The following RASSF6 variants were observed in gnomAD, a reference collection of about 807,000 sequenced individuals.
The protein encoded by RASSF6 is Ras association domain family member 6.
A neutral mutation model predicts 44.0 loss-of-function variants in RASSF6; 52 were observed. The observed-to-expected ratio is 1.18, with a 90% CI of 0.95 to 1.49. The LOEUF is 1.49. RASSF6 is among the 40% of genes most tolerant of loss of function. The probability of loss-of-function intolerance (pLI) is 0.00; values close to 1 mark genes in which losing one functional copy is unlikely to be tolerated. For synonymous variants in RASSF6, 162 were observed against 124.6 expected (o/e 1.30, Z -2.00); for missense variants, 464 against 393.3 (o/e 1.18, Z -1.52).
intron 2 of RASSF6, among the ~76,000 whole-genome samples, chr4:73,607,204 G>A (rs1380697192): frequency 6.6e-6 from 1 of 152,186 alleles, no homozygotes; most frequent in Admixed American, 6.5e-5. Flanking sequence ...ATCTTTAAAT[G>A]TCTTAAATGT....
intron 6 of RASSF6, among the ~76,000 whole-genome samples, chr4:73,583,023 C>T (rs1723794731): frequency 6.6e-6 from 1 of 151,986 alleles, no homozygotes; most frequent in South Asian, 2.1e-4. Context: ...CTATGGAGCC[C>T]TGAAAAACCA....
At position 73,593,445 on chromosome 4, in the gene RASSF6, G is replaced by C. The variant is rs1724714612; in HGVS notation, c.287+6C>G. 1 of 1,599,208 alleles carries C rather than the reference G, an allele frequency of 6.3e-7. No individual in the cohort carries two copies. Among genetic ancestry groups the C allele is most frequent in the Non-Finnish European group, 8.5e-7 (1 of 1,175,196 alleles). The stretch of plus-strand genomic sequence containing the variant: ...TGAGGAATTAAAAACATGAAAGATA[G>C]CTTACCCTTTGCTGGAGAAGACGTC... On this transcript the variant is annotated splice_donor_region_variant and intron_variant, in intron 4 of 10. Coordinates refer to ENST00000307439, the MANE Select transcript of RASSF6 (RefSeq NM_177532.5).
intron 3 of RASSF6, among the ~76,000 whole-genome samples, chr4:73,595,711 ATATT>A (rs67327501): frequency 0.29 from 44,469 of 151,962 alleles, 6,794 homozygotes; most frequent in Admixed American, 0.4. Context: ...ATAATTGTAT[ATATT>A]AAGATTTAAG....
rs1284418830 is a variant in RASSF6, at chr4:73,576,156, A to G, written c.*79T>C. On this transcript the variant is annotated 3_prime_UTR_variant, in exon 11 of 11. Transcript: ENST00000307439. ...GTCTCATATATGTTCGTATAAATGC[A>G]AGTACAGAACTTATGCATTCATCAA... The G allele has an allele frequency of 2.1e-5, 15 of 730,844 alleles. No individual in the cohort carries two copies. In the East Asian group the frequency reaches 3.9e-4, roughly 19 times the overall value. 45.3% of individuals were successfully genotyped at this position (730,844 alleles called of 1,614,324 possible).
At chr4:73,587,478 C>A (rs560430004) in intron 5 of RASSF6, among the ~76,000 whole-genome samples, 129 of 152,112 alleles carry the variant, frequency 8.5e-4, no homozygotes, top group Non-Finnish European at 1.7e-3. Flanking sequence ...CTTGGCCTAA[C>A]ATATAAAGCT....
rs964542015 is a variant in RASSF6 at position 73,596,041 on chromosome 4, T to G, written c.145-2448A>C. Among the ~76,000 whole-genome samples the G allele has an allele frequency of 7.2e-5, 11 of 152,182 alleles. No homozygotes were observed. The East Asian group carries it at 1.9e-3, about 27-fold the overall frequency. On this transcript the variant is annotated intron_variant, in intron 3 of 10. Transcript: ENST00000307439. ...AGTGAGCTCCATCAGAATACAAGGC[T>G]GAGTGAAGAGACGTGTGGAGAATGA...
chr4:73,576,371 T>G, intron 10 of RASSF6, 39 bp downstream of exon 10: 2 of 1,465,996 alleles, frequency 1.4e-6, no homozygotes, highest in Non-Finnish European at 1.9e-6. Context: ...TTGGACATAT[T>G]AAAGAACGGA....
At chr4:73,603,180 G>A (rs1023454264) in intron 2 of RASSF6, among the ~76,000 whole-genome samples, 3 of 152,184 alleles carry the variant, frequency 2.0e-5, no homozygotes, top group Non-Finnish European at 4.4e-5. Context: ...TTCTAGGAAA[G>A]AGCCTTGGTT....
chr4:73,593,310 C>T, intron 4 of RASSF6, 141 bp downstream of exon 4: 1 of 845,592 alleles, frequency 1.2e-6, no homozygotes, highest in Non-Finnish European at 1.7e-6. Flanking sequence ...GCCACCGTGC[C>T]CGGCCATTGC....
In RASSF6 at chr4:73,611,818, T is replaced by C; in HGVS notation, c.-23A>G. 1 of 1,597,918 alleles carries C rather than the reference T, an allele frequency of 6.3e-7. No homozygotes were observed. Among genetic ancestry groups the C allele is most frequent in the South Asian group, 1.1e-5 (1 of 90,670 alleles). ...CATCTTTTCCTCCTTTTTGAGATGG[T>C]CTGAGGATATCCTAAACATGAGAAT... is the stretch of plus-strand genomic sequence containing the variant. On this transcript the variant is annotated 5_prime_UTR_variant, in exon 2 of 11. Coordinates refer to ENST00000307439, the MANE Select transcript of RASSF6 (RefSeq NM_177532.5).
At position 73,600,317 on chromosome 4, in the gene RASSF6, C is replaced by T. The variant is rs150303962; in HGVS notation, c.66-1599G>A. ...ACAAATTCTGGTTGACTAAAATTAT[C>T]GGGAAATATTCATTGCCTAAACAAC... On this transcript the variant is annotated intron_variant, in intron 2 of 10. Transcript: ENST00000307439. Among the ~76,000 whole-genome samples, 619 of 151,786 alleles carry T rather than the reference C, an allele frequency of 4.1e-3. 4 individuals are homozygous for T. The highest frequency in any genetic ancestry group is 0.012 in the African/African-American group (514 of 41,360).
intron 2 of RASSF6, among the ~76,000 whole-genome samples, chr4:73,600,237 T>C (rs181153320): frequency 2.0e-5 from 3 of 152,336 alleles, no homozygotes; most frequent in Non-Finnish European, 4.4e-5. Context: ...GGGGTATGTA[T>C]GCATTTTGTT....
Position 73,582,240 on chromosome 4 carries a change from G to T in RASSF6, c.618C>A (p.Asn206Lys). The T allele has an allele frequency of 6.3e-7, 1 of 1,598,546 alleles. No individual in the cohort carries two copies. Among genetic ancestry groups the T allele is most frequent in the Non-Finnish European group, 8.5e-7 (1 of 1,170,406 alleles). Residue 206 changes from asparagine to lysine, a missense_variant, in exon 7 of 11, where the codon AAC becomes AAA. Transcript: ENST00000307439. ...TTACTTCTTCAGTTCTCATGTTACT[G>T]TTTACTCTGACCTTAGTTTCTGATT... is the stretch of plus-strand genomic sequence containing the variant. ...AFESETKVRV[N>K]SNMRTEEVIK...
chr4:73,576,597 GTGATGGTAT>G lies in RASSF6; in HGVS notation c.840+7_840+15del. On this transcript the variant is annotated splice_region_variant and intron_variant, in intron 9 of 10. Transcript: ENST00000307439. ...GAGGGAAGCAAAAAACAGATTCAGGGTGATGGTATTCATACATCACTGCTAATTTCTTCT... is the reference window on the plus strand; with the variant it reads ...GAGGGAAGCAAAAAACAGATTCAGGGTCATACATCACTGCTAATTTCTTCT... 6.3e-7 allele frequency: 1 copy of G among 1,587,072 alleles called. No homozygotes were observed.
At chr4:73,597,532 A>G (rs1335791172) in intron 3 of RASSF6, among the ~76,000 whole-genome samples, 1 of 152,214 alleles carries the variant, frequency 6.6e-6, no homozygotes, top group Non-Finnish European at 1.5e-5. Flanking sequence ...GGGAGTGTAA[A>G]TTAATCTAAT....
rs548705597 is a variant in RASSF6, at chr4:73,581,237, T to C, written c.721+580A>G. Among the ~76,000 whole-genome samples, 63 of 152,302 alleles carry C rather than the reference T, an allele frequency of 4.1e-4. No individual in the cohort carries two copies. The South Asian group carries it at 9.7e-3, about 24-fold the overall frequency. On this transcript the variant is annotated intron_variant, in intron 8 of 10. Coordinates refer to ENST00000307439, the MANE Select transcript of RASSF6 (RefSeq NM_177532.5). ...TTTTCATTTGTGAAGTTTTAAAAACTTTCATTTCAGTATCACTTTAAGTTT... is the reference window on the plus strand; with the variant it reads ...TTTTCATTTGTGAAGTTTTAAAAACCTTCATTTCAGTATCACTTTAAGTTT...
At chr4:73,592,310 T>C (rs1283557291) in intron 4 of RASSF6, among the ~76,000 whole-genome samples, 2 of 152,180 alleles carry the variant, frequency 1.3e-5, no homozygotes, top group African/African-American at 4.8e-5. Flanking sequence ...AAATATTACA[T>C]TGGGCAAATT....
At chr4:73,605,993 GA>G (rs1169511136) in intron 2 of RASSF6, among the ~76,000 whole-genome samples, 2 of 152,150 alleles carry the variant, frequency 1.3e-5, no homozygotes, top group African/African-American at 4.8e-5. Flanking sequence ...AGTCACTGTG[GA>G]AAGCAGTTTG....
intron 4 of RASSF6, among the ~76,000 whole-genome samples, chr4:73,590,183 G>C (rs997885149): frequency 3.3e-5 from 5 of 152,168 alleles, no homozygotes; most frequent in Non-Finnish European, 7.4e-5. Flanking sequence ...AGTGGTCAGA[G>C]CTCAAAAAAA....
Sources: allele counts gnomAD v4.1 joint callset (sites outside exome capture counted in the v4.1 genomes callset), GRCh38; gene constraint gnomAD v4.1.1; transcripts MANE v1.5; gene names NCBI Gene and HGNC (gene_info 2026-07-23, HGNC 2026-07-21).